Variants in IMMP2L observed in about 807,000 individuals in gnomAD.
IMMP2L encodes inner mitochondrial membrane peptidase subunit 2, also known as mitochondrial inner membrane protease subunit 2.
IMMP2L carries 18 observed loss-of-function variants against 19.3 expected under a neutral mutation model. The ratio of observed to expected loss-of-function variants is 0.93; its 90% confidence interval spans 0.64 to 1.38. IMMP2L has a LOEUF of 1.38. Among genes scored for constraint, IMMP2L ranks in the 40% most tolerant of loss-of-function variants. IMMP2L has a pLI of 0.00. For synonymous variants in IMMP2L, 76 were observed against 73.0 expected (o/e 1.04, Z -0.21); for missense variants, 233 against 218.2 (o/e 1.07, Z -0.43).
chr7:111,257,448 T>G (rs1376389912), intron 3 of IMMP2L, among the ~76,000 whole-genome samples: 5 of 152,160 alleles, frequency 3.3e-5, no homozygotes, highest in African/African-American at 1.2e-4. Flanking sequence ...CAATCACCCA[T>G]TTTGTTATTG....
chr7:111,076,505 G>C (rs1054080335), intron 3 of IMMP2L, among the ~76,000 whole-genome samples: 1 of 152,132 alleles, frequency 6.6e-6, no homozygotes, highest in Non-Finnish European at 1.5e-5. Context: ...CCTCACCTCA[G>C]CCTCCACTGG....
At chr7:110,987,659 C>T (rs1822000556) in intron 3 of IMMP2L, among the ~76,000 whole-genome samples, 1 of 152,144 alleles carries the variant, frequency 6.6e-6, no homozygotes, top group Non-Finnish European at 1.5e-5. Context: ...TTTCTCACAG[C>T]CTTTCATATG....
intron 3 of IMMP2L, among the ~76,000 whole-genome samples, chr7:111,209,266 A>T (rs1298654960): frequency 6.6e-6 from 1 of 152,028 alleles, no homozygotes; most frequent in Non-Finnish European, 1.5e-5. Context: ...GCATGGTGGC[A>T]CGCACCTGTA....
At chr7:111,242,201 G>A (rs570118999) in intron 3 of IMMP2L, among the ~76,000 whole-genome samples, 4 of 152,106 alleles carry the variant, frequency 2.6e-5, no homozygotes, top group Non-Finnish European at 4.4e-5. Context: ...AGCAGAACAA[G>A]GACAGGTGTG....
chr7:111,343,272 G>T (rs1827206128), intron 3 of IMMP2L, among the ~76,000 whole-genome samples: 2 of 151,942 alleles, frequency 1.3e-5, no homozygotes, highest in African/African-American at 4.8e-5. Context: ...TTCTTAAAAT[G>T]GCTCTTGGAG....
intron 3 of IMMP2L, among the ~76,000 whole-genome samples, chr7:111,016,195 G>A (rs75310525): frequency 0.089 from 13,336 of 150,566 alleles, 797 homozygotes; most frequent in Non-Finnish European, 0.13. Flanking sequence ...TTAAAACTAC[G>A]TCTTCACTTT....
At chr7:110,885,715 A>G (rs940062813) in intron 5 of IMMP2L, among the ~76,000 whole-genome samples, 1 of 152,022 alleles carries the variant, frequency 6.6e-6, no homozygotes. Context: ...CTTTAAGCTA[A>G]AGGCACTTGA....
At chr7:111,017,239 G>GT (rs1585772523) in intron 3 of IMMP2L, among the ~76,000 whole-genome samples, 1 of 150,964 alleles carries the variant, frequency 6.6e-6, no homozygotes, top group East Asian at 2.0e-4. Flanking sequence ...GGCTCGTATT[G>GT]TTTTTTTAGA....
At position 111,560,813 on chromosome 7, in the gene IMMP2L, T is replaced by C. The variant is rs962883052; in HGVS notation, c.-3+1038A>G. Among the ~76,000 whole-genome samples the C allele has an allele frequency of 2.0e-5, 3 of 152,172 alleles. No homozygotes were observed. In the South Asian group the frequency reaches 6.2e-4, roughly 32 times the overall value. ...GCTATTGAATCAATGAAGGAACCCA[T>C]TATCAATAAACAATCACTTCCTGTT... is the stretch of plus-strand genomic sequence containing the variant. On this transcript the variant is annotated intron_variant, in intron 1 of 5. Coordinates refer to ENST00000405709, the MANE Select transcript of IMMP2L (RefSeq NM_032549.4).
chr7:111,104,617 T>C (rs539440394), intron 3 of IMMP2L, among the ~76,000 whole-genome samples: 8 of 151,894 alleles, frequency 5.3e-5, no homozygotes, highest in African/African-American at 1.9e-4. Context: ...AATCCCCCTA[T>C]CTAGTCTTTT....
chr7:110,878,639 T>C (rs1046880160), intron 5 of IMMP2L, among the ~76,000 whole-genome samples: 1 of 152,086 alleles, frequency 6.6e-6, no homozygotes, highest in Non-Finnish European at 1.5e-5. Context: ...ATAGAATGCA[T>C]ATCATGTGAA....
intron 5 of IMMP2L, among the ~76,000 whole-genome samples, chr7:110,883,144 T>C (rs1809865804): frequency 6.6e-6 from 1 of 152,232 alleles, no homozygotes; most frequent in Non-Finnish European, 1.5e-5. Context: ...TCATGTTTCA[T>C]ACTTTTCTAA....
intron 3 of IMMP2L, among the ~76,000 whole-genome samples, chr7:111,072,960 C>G (rs536289266): frequency 1.9e-4 from 29 of 151,190 alleles, no homozygotes; most frequent in Admixed American, 4.6e-4. Flanking sequence ...ATGCATGATC[C>G]TGGATTAGAT....
chr7:111,131,016 T>A (rs780175095), intron 3 of IMMP2L, among the ~76,000 whole-genome samples: 35 of 151,922 alleles, frequency 2.3e-4, no homozygotes, highest in Middle Eastern at 3.4e-3. Context: ...TTCAAGATTT[T>A]AAAAAAAATT....
At chr7:111,276,044 T>A (rs1304963508) in intron 3 of IMMP2L, among the ~76,000 whole-genome samples, 1 of 152,108 alleles carries the variant, frequency 6.6e-6, no homozygotes, top group African/African-American at 2.4e-5. Context: ...CTTAATACTT[T>A]CAACTTTTCC....
At chr7:111,304,103 G>A (rs781656804) in intron 3 of IMMP2L, among the ~76,000 whole-genome samples, 2 of 151,998 alleles carry the variant, frequency 1.3e-5, no homozygotes, top group African/African-American at 4.8e-5. Context: ...TATTCATAAC[G>A]AATATTGGCC....
intron 5 of IMMP2L, among the ~76,000 whole-genome samples, chr7:110,862,943 T>C (rs1807600673): frequency 1.3e-5 from 2 of 152,010 alleles, no homozygotes; most frequent in African/African-American, 2.4e-5. Flanking sequence ...TTCCTGAAGT[T>C]CAAGACCCAC....
chr7:111,027,784 A>T (rs1205291812), intron 3 of IMMP2L, among the ~76,000 whole-genome samples: 1 of 152,138 alleles, frequency 6.6e-6, no homozygotes, highest in African/African-American at 2.4e-5. Flanking sequence ...ATATCTTGAT[A>T]TATCTAAATG....
At chr7:110,814,986 A>G (rs947883694) in intron 5 of IMMP2L, among the ~76,000 whole-genome samples, 1 of 151,976 alleles carries the variant, frequency 6.6e-6, no homozygotes, top group Admixed American at 6.6e-5. Flanking sequence ...GCCTCGTAAA[A>G]CCACACTGAA....
Sources: allele counts gnomAD v4.1 joint callset (sites outside exome capture counted in the v4.1 genomes callset), GRCh38; gene constraint gnomAD v4.1.1; transcripts MANE v1.5; gene names NCBI Gene and HGNC (gene_info 2026-07-23, HGNC 2026-07-21).